FAR2: variants seen among roughly 807,000 people sequenced by gnomAD.
FAR2 encodes fatty acyl-CoA reductase 2.
In FAR2, 19 loss-of-function variants were observed where a neutral mutation model predicts 56.0. The observed-to-expected ratio is 0.34, with a 90% CI of 0.24 to 0.50. The LOEUF is 0.50. Ranked by LOEUF, FAR2 falls within the 20% of genes least tolerant of loss-of-function variation. FAR2 has a pLI of 0.98. For missense variants in FAR2, 508 were observed against 642.2 expected (o/e 0.79, Z 2.26); for synonymous variants, 219 against 218.8 (o/e 1.00, Z -0.01).
intron 1 of FAR2, among the ~76,000 whole-genome samples, chr12:29,233,299 A>G (rs1947887759): frequency 6.6e-6 from 1 of 152,188 alleles, no homozygotes; most frequent in Non-Finnish European, 1.5e-5. Flanking sequence ...ATTGATGCCA[A>G]TAATGATCTC....
At chr12:29,185,369 T>C (rs1419003661) in intron 1 of FAR2, among the ~76,000 whole-genome samples, 1 of 152,222 alleles carries the variant, frequency 6.6e-6, no homozygotes, top group African/African-American at 2.4e-5. Context: ...AGAAAGTTTA[T>C]TGTTTCTTCC....
intron 1 of FAR2, among the ~76,000 whole-genome samples, chr12:29,191,450 A>G (rs960985724): frequency 8.5e-5 from 13 of 152,272 alleles, no homozygotes; most frequent in Non-Finnish European, 1.5e-4. Context: ...GTGGCTGAAG[A>G]CATCACCATT....
Position 29,218,881 on chromosome 12 carries a change from T to TTTTATTTA in FAR2, c.-38-51510_-38-51503dup, listed in dbSNP as rs58268149. Among the ~76,000 whole-genome samples the TTTTATTTA allele has an allele frequency of 9.5e-3, 1,444 of 151,232 alleles. 17 individuals carry two copies. The highest frequency in any genetic ancestry group is 0.026 in the African/African-American group (1,086 of 41,112). On this transcript the variant is annotated intron_variant, in intron 1 of 11. Coordinates refer to ENST00000536681, the MANE Select transcript of FAR2 (RefSeq NM_001271783.2). Reference sequence around the variant, plus strand: ...AAAATAGAAACCTTCCGTGTTAGAATTTTATTTATTTATTTATTTATTTAT... The same window carrying TTTTATTTA: ...AAAATAGAAACCTTCCGTGTTAGAATTTTATTTATTTATTTATTTATTTATTTATTTAT...
At chr12:29,262,416 A>G (rs1026929991) in intron 1 of FAR2, among the ~76,000 whole-genome samples, 2 of 152,206 alleles carry the variant, frequency 1.3e-5, no homozygotes, top group Non-Finnish European at 2.9e-5. Context: ...AGATCACCTG[A>G]GATCAGGAGT....
intron 2 of FAR2, among the ~76,000 whole-genome samples, chr12:29,287,172 A>T (rs1049121136): frequency 6.6e-6 from 1 of 152,182 alleles, no homozygotes; most frequent in Non-Finnish European, 1.5e-5. Context: ...TGGACTAATA[A>T]CTGTTGAATG....
At chr12:29,306,674 C>A (rs117303218) in intron 4 of FAR2, among the ~76,000 whole-genome samples, 1 of 152,148 alleles carries the variant, frequency 6.6e-6, no homozygotes, top group Non-Finnish European at 1.5e-5. Context: ...ATTGACAATA[C>A]TTTTGTTGCT....
rs140619649 is a variant in FAR2, at chr12:29,293,455, A to G, written c.345A>G (p.Val115=). The G allele has an allele frequency of 1.0e-4, 163 of 1,581,494 alleles. No individual in the cohort carries two copies. The African/African-American group carries it at 1.9e-3, about 18-fold the overall frequency. ...TNIIFHCAAT[V]RFDDTLRHAV... is the part of the protein sequence containing the mutation. ...TAATATTTCACTGTGCAGCCACTGT[A>G]CGCTTTGACGACACTCTCAGGTACA... is the stretch of plus-strand genomic sequence containing the variant. The change falls in exon 3 of 12, where the codon GTA becomes GTG. Residue 115 remains valine, a synonymous_variant. Coordinates refer to ENST00000536681, the MANE Select transcript of FAR2 (RefSeq NM_001271783.2).
chr12:29,155,279 C>A (rs1434947453), intron 1 of FAR2, among the ~76,000 whole-genome samples: 2 of 152,194 alleles, frequency 1.3e-5, no homozygotes, highest in Non-Finnish European at 2.9e-5. Context: ...AAGCCATCCC[C>A]TGCAGGGCAA....
chr12:29,201,837 C>T (rs1193617714), intron 1 of FAR2, among the ~76,000 whole-genome samples: 1 of 152,180 alleles, frequency 6.6e-6, no homozygotes, highest in Non-Finnish European at 1.5e-5. Context: ...CTTTTAAGTG[C>T]TAAGTCGTTT....
chr12:29,230,284 G>A (rs1947836100), intron 1 of FAR2, among the ~76,000 whole-genome samples: 1 of 152,086 alleles, frequency 6.6e-6, no homozygotes, highest in South Asian at 2.1e-4. Context: ...CAGCCTTTCA[G>A]CTGAGGCAGC....
intron 1 of FAR2, among the ~76,000 whole-genome samples, chr12:29,188,032 T>G (rs546781355): frequency 2.1e-4 from 32 of 152,332 alleles, no homozygotes; most frequent in African/African-American, 7.5e-4. Context: ...TATGACTGTA[T>G]AGACTGCTCA....
chr12:29,313,256 T>A (rs1214285336), intron 8 of FAR2, among the ~76,000 whole-genome samples: 1 of 152,134 alleles, frequency 6.6e-6, no homozygotes, highest in Admixed American at 6.5e-5. Context: ...GAATCTCTTA[T>A]GCTATCAACC....
At chr12:29,322,788 T>C (rs1271063302) in intron 10 of FAR2, among the ~76,000 whole-genome samples, 3 of 152,234 alleles carry the variant, frequency 2.0e-5, no homozygotes, top group Non-Finnish European at 4.4e-5. Context: ...CAAGTCACAC[T>C]GGGGAGTAAA....
intron 4 of FAR2, among the ~76,000 whole-genome samples, chr12:29,305,082 G>A (rs1396788500): frequency 1.3e-5 from 2 of 151,686 alleles, no homozygotes; most frequent in African/African-American, 2.4e-5. Context: ...GGTCTGTTTG[G>A]CTGTATTATA....
intron 2 of FAR2, among the ~76,000 whole-genome samples, chr12:29,271,257 TATTCTCTC>T (rs1163935417): frequency 1.3e-5 from 2 of 152,218 alleles, no homozygotes; most frequent in African/African-American, 4.8e-5. Flanking sequence ...ACATTATGCA[TATTCTCTC>T]ATGTTTTAAT....
intron 2 of FAR2, among the ~76,000 whole-genome samples, chr12:29,270,896 A>C (rs190744403): frequency 6.6e-6 from 1 of 152,124 alleles, no homozygotes; most frequent in African/African-American, 2.4e-5. Flanking sequence ...AAAATACTCA[A>C]ACTCCCTGAG....
intron 1 of FAR2, among the ~76,000 whole-genome samples, chr12:29,246,892 T>G (rs919928340): frequency 2.7e-5 from 4 of 149,956 alleles, no homozygotes; most frequent in African/African-American, 9.9e-5. Context: ...CAAGTTCCTA[T>G]GGAGACAATT....
At chr12:29,261,469 A>G (rs1948417281) in intron 1 of FAR2, among the ~76,000 whole-genome samples, 2 of 152,218 alleles carry the variant, frequency 1.3e-5, no homozygotes, top group African/African-American at 4.8e-5. Context: ...TTGGCCTTAA[A>G]GAGGAGGTAG....
At chr12:29,245,835 T>C (rs529606059) in intron 1 of FAR2, among the ~76,000 whole-genome samples, 3 of 152,244 alleles carry the variant, frequency 2.0e-5, no homozygotes, top group East Asian at 3.9e-4. Flanking sequence ...CATCGGACTT[T>C]CTCATCTCCC....
Sources: gnomAD v4.1 joint callset for allele counts (sites outside exome capture counted in the v4.1 genomes callset) on GRCh38, gnomAD v4.1.1 for gene constraint, MANE v1.5 for transcripts, NCBI Gene and HGNC (gene_info 2026-07-23, HGNC 2026-07-21) for gene names.